MTHFD1: variants seen among roughly 807,000 people sequenced by gnomAD.
The protein encoded by MTHFD1 is C-1-tetrahydrofolate synthase, cytoplasmic.
In MTHFD1, 44 loss-of-function variants were observed where a neutral mutation model predicts 110.3. That is an observed-to-expected ratio of 0.40 (90% CI 0.31 to 0.51). The LOEUF is 0.51. MTHFD1 is among the 20% of genes least tolerant of loss of function. The pLI, the probability that MTHFD1 is intolerant of heterozygous loss-of-function variation, is 0.60. For missense variants in MTHFD1, 909 were observed against 1,173.1 expected (o/e 0.77, Z 3.29); for synonymous variants, 402 against 428.8 (o/e 0.94, Z 0.77).
chr14:64,446,689 C>T (rs2078291453), intron 22 of MTHFD1, among the ~76,000 whole-genome samples: 2 of 152,098 alleles, frequency 1.3e-5, no homozygotes, highest in African/African-American at 4.8e-5. Flanking sequence ...CTACAAGCAC[C>T]CACCATCATG....
intron 2 of MTHFD1, among the ~76,000 whole-genome samples, chr14:64,406,743 T>A (rs1224818178): frequency 6.6e-6 from 1 of 152,102 alleles, no homozygotes; most frequent in African/African-American, 2.4e-5. Context: ...AAGTGCCGAG[T>A]CACCGCACCT....
chr14:64,413,299 C>A (rs2077999403), intron 4 of MTHFD1, among the ~76,000 whole-genome samples: 1 of 152,036 alleles, frequency 6.6e-6, no homozygotes, highest in African/African-American at 2.4e-5. Context: ...TTGCAGTGAG[C>A]CAAGATCGTA....
At chr14:64,416,208 G>A (rs1309660789) in intron 6 of MTHFD1, among the ~76,000 whole-genome samples, 2 of 152,094 alleles carry the variant, frequency 1.3e-5, no homozygotes, top group Non-Finnish European at 2.9e-5. Context: ...TCACCTGACT[G>A]CACTCCAGCC....
At chr14:64,459,203 A>G (rs1343212037) in intron 27 of MTHFD1, among the ~76,000 whole-genome samples, 1 of 152,182 alleles carries the variant, frequency 6.6e-6, no homozygotes, top group African/African-American at 2.4e-5. Context: ...TTATTTAGCA[A>G]TGTACTTAGC....
chr14:64,415,478 G>C lies in MTHFD1; in HGVS notation c.361G>C (p.Glu121Gln). 2 of 1,614,124 alleles carry C rather than the reference G, an allele frequency of 1.2e-6. No individual in the cohort carries two copies. The highest frequency in any genetic ancestry group is 1.7e-6 in the Non-Finnish European group (2 of 1,180,000). ...AGAAGTGATCAATGCTATTGCACCC[G>C]AGAAGGATGTGGATGGGTAAGTGTG... Reference protein sequence around the residue: ...TEEVINAIAPEKDVDGLTSIN... With the variant: ...TEEVINAIAPQKDVDGLTSIN... The change falls in exon 5 of 28, where the codon GAG (glutamate) becomes CAG (glutamine). Residue 121 changes from glutamate (E) to glutamine (Q), a missense_variant. Physicochemically the swap from Glu to Gln is conservative, Grantham distance 29 (BLOSUM62 2). Transcript: ENST00000652337.
chr14:64,456,491 G>A (rs891749762), intron 26 of MTHFD1, among the ~76,000 whole-genome samples: 7 of 152,124 alleles, frequency 4.6e-5, no homozygotes, highest in Non-Finnish European at 1.0e-4. Flanking sequence ...CCAGTGTTTA[G>A]GAGGGAAAAT....
chr14:64,434,046 G>T (rs2078184160), intron 15 of MTHFD1, among the ~76,000 whole-genome samples: 2 of 151,968 alleles, frequency 1.3e-5, no homozygotes, highest in South Asian at 4.2e-4. Context: ...TTGGGTTTGT[G>T]TTTTACAACA....
intron 1 of MTHFD1, 64 bp from the exon 2 acceptor site, chr14:64,400,729 A>T: frequency 9.9e-7 from 1 of 1,009,842 alleles, no homozygotes; most frequent in South Asian, 1.3e-5. Flanking sequence ...ACATCTAATA[A>T]TCTGCATCAC....
chr14:64,432,757 TTTTTG>T (rs1313571436), intron 15 of MTHFD1, among the ~76,000 whole-genome samples: 1 of 152,114 alleles, frequency 6.6e-6, no homozygotes, highest in Non-Finnish European at 1.5e-5. Flanking sequence ...TTTGTTTTGT[TTTTTG>T]TTTTCTTTTT....
chr14:64,444,390 G>T (rs2078273689), intron 21 of MTHFD1, among the ~76,000 whole-genome samples: 1 of 151,844 alleles, frequency 6.6e-6, no homozygotes, highest in Non-Finnish European at 1.5e-5. Context: ...CACTGCTATG[G>T]CCTTCACTCG....
chr14:64,458,934 C>G (rs559697206), intron 27 of MTHFD1, among the ~76,000 whole-genome samples: 2 of 152,272 alleles, frequency 1.3e-5, no homozygotes, highest in East Asian at 3.9e-4. Flanking sequence ...TAGACACATC[C>G]TGTTGAAACT....
intron 8 of MTHFD1, among the ~76,000 whole-genome samples, chr14:64,422,459 A>G (rs1397414572): frequency 6.6e-6 from 1 of 152,192 alleles, no homozygotes; most frequent in African/African-American, 2.4e-5. Context: ...AAGAAGTAAT[A>G]TTTTTAAAGA....
chr14:64,453,705 C>T (rs963582010), intron 24 of MTHFD1, 49 bp from the exon 25 acceptor site: 2 of 1,124,770 alleles, frequency 1.8e-6, no homozygotes, highest in Non-Finnish European at 2.7e-6. Context: ...GGTTAAATGT[C>T]CTCACATGTG....
intron 2 of MTHFD1, among the ~76,000 whole-genome samples, chr14:64,407,873 G>A (rs1414893954): frequency 1.3e-5 from 2 of 151,984 alleles, no homozygotes; most frequent in Non-Finnish European, 2.9e-5. Context: ...AACAGTATTC[G>A]GGAACTATTC....
At position 64,417,789 on chromosome 14, in the gene MTHFD1, G is replaced by A; in HGVS notation, c.479-99G>A. The A allele has an allele frequency of 6.8e-7, 1 of 1,462,790 alleles. No individual in the cohort carries two copies. The highest frequency in any genetic ancestry group is 9.5e-7 in the Non-Finnish European group (1 of 1,048,864). 90.6% of individuals were successfully genotyped at this position (1,462,790 alleles called of 1,614,324 possible). On this transcript the variant is annotated intron_variant, in intron 6 of 27. Transcript: ENST00000652337. This position sits in a 1 kb window ranked among gnomAD's most constrained non-coding sequence, Gnocchi z 4.4. ...TAGGAAGGTTTCTGTTTGATGTTAA[G>A]AACCTGTTTTTGTGCACTTATTCTA...
chr14:64,431,062 T>C (rs192499197), intron 13 of MTHFD1, among the ~76,000 whole-genome samples: 1 of 149,260 alleles, frequency 6.7e-6, no homozygotes, highest in Non-Finnish European at 1.5e-5. Flanking sequence ...TGTTTTCTTT[T>C]TCTTTTTCTT....
At chr14:64,430,109 A>G in intron 12 of MTHFD1, 75 bp from the exon 13 acceptor site, 2 of 1,209,062 alleles carry the variant, frequency 1.7e-6, no homozygotes, top group Non-Finnish European at 2.5e-6. Context: ...ACAATAATGC[A>G]TTTGCATTTA....
intron 11 of MTHFD1, among the ~76,000 whole-genome samples, chr14:64,426,795 C>T (rs1223300651): frequency 6.6e-6 from 1 of 152,108 alleles, no homozygotes; most frequent in Non-Finnish European, 1.5e-5. Flanking sequence ...ACCCAAAATT[C>T]ATTAATTCGA....
chr14:64,442,492 T>A, intron 21 of MTHFD1, 90 bp downstream of exon 21: 1 of 1,369,014 alleles, frequency 7.3e-7, no homozygotes, highest in East Asian at 2.3e-5. Flanking sequence ...TTCATTGAGT[T>A]GCTCTTATCC....
Sources: gnomAD v4.1 joint callset for allele counts (sites outside exome capture counted in the v4.1 genomes callset) on GRCh38, gnomAD v4.1.1 for gene constraint, Gnocchi (gnomAD v3.1) non-coding constraint, MANE v1.5 for transcripts, NCBI Gene and HGNC (gene_info 2026-07-23, HGNC 2026-07-21) for gene names.